CFAP70: variants seen among roughly 807,000 people sequenced by gnomAD.
CFAP70 encodes the protein cilia- and flagella-associated protein 70.
A neutral mutation model predicts 137.6 loss-of-function variants in CFAP70; 81 were observed. The ratio of observed to expected loss-of-function variants is 0.59; its 90% confidence interval spans 0.49 to 0.71. The LOEUF (loss-of-function observed/expected upper bound fraction) is 0.71, where lower values mean the gene tolerates loss of function less well. Among genes scored for constraint, CFAP70 ranks in the 30% least tolerant of loss-of-function variants. The pLI is 0.00. For synonymous variants in CFAP70, 382 were observed against 423.6 expected (o/e 0.90, Z 1.20); for missense variants, 976 against 1,226.7 (o/e 0.80, Z 3.05).
At chr10:73,332,292 C>T (rs1208209951) in intron 7 of CFAP70, among the ~76,000 whole-genome samples, 6 of 152,170 alleles carry the variant, frequency 3.9e-5, no homozygotes, top group Admixed American at 3.3e-4. Context: ...AGGAGCCCCA[C>T]CAAGTTCTCA....
At position 73,274,430 on chromosome 10, in the gene CFAP70, C is replaced by A; in HGVS notation, c.2835+3G>T. On this transcript the variant is annotated splice_donor_region_variant and intron_variant, in intron 23 of 26. Coordinates refer to ENST00000310715, the Ensembl canonical transcript of CFAP70. ...GGGTTATTCCCCATTCTCTACCCCT[C>A]ACCTCTTTCTCTTCCAGATAGATGA... 1 of 1,608,694 alleles carries A rather than the reference C, an allele frequency of 6.2e-7. No homozygotes were observed. Among genetic ancestry groups the A allele is most frequent in the Non-Finnish European group, 8.5e-7 (1 of 1,178,264 alleles).
chr10:73,269,401 C>T (rs2046055077), intron 25 of CFAP70, among the ~76,000 whole-genome samples: 1 of 152,136 alleles, frequency 6.6e-6, no homozygotes. Context: ...ACTTCCTTTC[C>T]AGAGAAACAC....
At chr10:73,317,376 CAT>C (rs1360245370) in intron 9 of CFAP70, among the ~76,000 whole-genome samples, 9 of 152,144 alleles carry the variant, frequency 5.9e-5, no homozygotes, top group African/African-American at 2.2e-4. Context: ...CAGAATTTTG[CAT>C]ATGTTATTCC....
exon 20 of CFAP70, chr10:73,278,321 T>C: frequency 6.2e-7 from 1 of 1,613,806 alleles, no homozygotes; most frequent in Non-Finnish European, 8.5e-7. Flanking sequence ...CTAGAATAGA[T>C]AATGCAGCTC....
intron 12 of CFAP70, 111 bp downstream of exon 13, chr10:73,310,047 C>A (rs1377514470): frequency 4.9e-6 from 3 of 609,352 alleles, no homozygotes; most frequent in Middle Eastern, 2.7e-4. Flanking sequence ...TAGAAAAAAA[C>A]CAGATAACTC....
At chr10:73,313,663 T>C (rs555602640) in intron 9 of CFAP70, among the ~76,000 whole-genome samples, 28 of 151,628 alleles carry the variant, frequency 1.8e-4, no homozygotes, top group African/African-American at 6.1e-4. Context: ...CCCAACATGG[T>C]GAAACCCTGT....
At chr10:73,359,112 T>C (rs1416630586), upstream of CFAP70, among the ~76,000 whole-genome samples, 1 of 152,246 alleles carries the variant, frequency 6.6e-6, no homozygotes, top group Non-Finnish European at 1.5e-5. Flanking sequence ...AAATATGCAA[T>C]ATTTTTTAAA....
Position 73,278,168 on chromosome 10 carries a change from T to C in CFAP70, c.2398+11A>G. Reference sequence around the variant, plus strand: ...CCCCTCTTCCAAGTGGAAATCTTTATTTCTAGTTACCTTTCTTTGTTGGTA... The same window carrying C: ...CCCCTCTTCCAAGTGGAAATCTTTACTTCTAGTTACCTTTCTTTGTTGGTA... On this transcript the variant is annotated intron_variant, in intron 20 of 26. Coordinates refer to ENST00000310715, the Ensembl canonical transcript of CFAP70. The C allele has an allele frequency of 6.2e-7, 1 of 1,612,592 alleles. No individual in the cohort carries two copies. Among genetic ancestry groups the C allele is most frequent in the Non-Finnish European group, 8.5e-7 (1 of 1,179,352 alleles).
At chr10:73,332,945 G>T (rs550748444) in intron 7 of CFAP70, among the ~76,000 whole-genome samples, 1 of 152,234 alleles carries the variant, frequency 6.6e-6, no homozygotes, top group South Asian at 2.1e-4. Context: ...CCTAGACTAA[G>T]ATATGACATA....
intron 4 of CFAP70, among the ~76,000 whole-genome samples, chr10:73,346,467 C>G (rs1471169146): frequency 6.6e-6 from 1 of 151,766 alleles, no homozygotes; most frequent in Non-Finnish European, 1.5e-5. Flanking sequence ...GAAACCCCAT[C>G]TCTACTAAAA....
At position 73,327,867 on chromosome 10, in the gene CFAP70, T is replaced by C. The variant is rs575591006; in HGVS notation, c.777+3310A>G. 4.6e-5 allele frequency among the ~76,000 whole-genome samples: 7 copies of C among 152,310 alleles called. No individual in the cohort carries two copies. The East Asian group carries it at 1.2e-3, about 25-fold the overall frequency. On this transcript the variant is annotated intron_variant, in intron 8 of 26. Transcript: ENST00000310715. ...TACAAAGAAATGGAAGAACATTCCA[T>C]GCTCATGGGTAGGAAGAATCAATAT...
In CFAP70 at chr10:73,348,299, A is replaced by C; in HGVS notation, c.349+124T>G. 1.9e-6 allele frequency: 3 copies of C among 1,570,804 alleles called. No individual in the cohort carries two copies. The African/African-American group carries it at 4.0e-5, about 21-fold the overall frequency. On this transcript the variant is annotated intron_variant, in intron 4 of 26. Transcript: ENST00000310715. ...GTTAAGTTGGGATGACTGCAGGCAG[A>C]GATAAATGTGCCTACTTTTCCCCTC...
At chr10:73,318,732 CT>C (rs1260667274) in intron 9 of CFAP70, among the ~76,000 whole-genome samples, 1 of 152,208 alleles carries the variant, frequency 6.6e-6, no homozygotes, top group Non-Finnish European at 1.5e-5. Flanking sequence ...AACCTCATAA[CT>C]TTTCTATTAT....
chr10:73,280,510 C>A (rs1451602623), intron 19 of CFAP70, among the ~76,000 whole-genome samples: 6 of 151,980 alleles, frequency 3.9e-5, no homozygotes, highest in South Asian at 2.1e-4. Flanking sequence ...ATTATTTCTT[C>A]CTTAAATATT....
exon 13 of CFAP70, chr10:73,299,643 T>G (rs1303474298): frequency 6.2e-7 from 1 of 1,612,930 alleles, no homozygotes; most frequent in Admixed American, 1.7e-5. Flanking sequence ...AGAGGAGGCC[T>G]TGGAGGAATC....
At chr10:73,291,788 C>T (rs769714817) in intron 17 of CFAP70, 33 bp from the exon 19 acceptor site, 63 of 1,612,036 alleles carry the variant, frequency 3.9e-5, no homozygotes, top group Middle Eastern at 1.6e-4. Context: ...ATTAACAACA[C>T]GGTCCCATGT....
intron 19 of CFAP70, among the ~76,000 whole-genome samples, chr10:73,285,523 T>G (rs1403134170): frequency 6.6e-6 from 1 of 152,144 alleles, no homozygotes; most frequent in African/African-American, 2.4e-5. Context: ...AAAATATATA[T>G]TTTTAAAACA....
chr10:73,314,592 T>A lies in CFAP70; in HGVS notation c.913-1949A>T, dbSNP rs1014097297. ...TAGCATGTGTCAGTTGGTTCATTAC[T>A]TTTTTATTTTTTATTTTAGTTATTT... On this transcript the variant is annotated intron_variant, in intron 9 of 26. Transcript: ENST00000310715. Among the ~76,000 whole-genome samples the A allele has an allele frequency of 6.6e-5, 10 of 152,180 alleles. No homozygotes were observed. In the East Asian group the frequency reaches 1.7e-3, roughly 27 times the overall value.
At chr10:73,335,949 T>TG (rs61522128) in intron 6 of CFAP70, among the ~76,000 whole-genome samples, 23,187 of 151,490 alleles carry the variant, frequency 0.15, 2,904 homozygotes, top group African/African-American at 0.32. Context: ...AAGACCAGGC[T>TG]GGCAACAAAG....
Sources: gnomAD v4.1 joint callset for allele counts (sites outside exome capture counted in the v4.1 genomes callset) on GRCh38, gnomAD v4.1.1 for gene constraint, MANE v1.5 for transcripts, NCBI Gene and HGNC (gene_info 2026-07-23, HGNC 2026-07-21) for gene names.